Variants in SLCO2A1 observed in about 807,000 individuals in gnomAD.
The protein encoded by SLCO2A1 is matrin F/G 1.
SLCO2A1 carries 60 observed loss-of-function variants against 71.7 expected under a neutral mutation model. The observed-to-expected ratio is 0.84, with a 90% CI of 0.68 to 1.04. The LOEUF is 1.04. SLCO2A1 is among the 50% of genes least tolerant of loss of function. The pLI is 0.00. For synonymous variants in SLCO2A1, 308 were observed against 326.7 expected, an observed-to-expected ratio of 0.94 and a Z score of 0.62; for missense variants, 745 against 813.4, an observed-to-expected ratio of 0.92 and a Z score of 1.02.
chr3:133,944,724 T>A (rs1049458230), intron 10 of SLCO2A1, among the ~76,000 whole-genome samples: 1 of 152,232 alleles, frequency 6.6e-6, no homozygotes, highest in Admixed American at 6.5e-5. Context: ...ATGCCCTCGA[T>A]TTATCTGGGC....
At chr3:133,957,670 C>T (rs1365449289) in intron 3 of SLCO2A1, among the ~76,000 whole-genome samples, 2 of 152,168 alleles carry the variant, frequency 1.3e-5, no homozygotes, top group African/African-American at 4.8e-5. Flanking sequence ...CACCTACTTC[C>T]TCTCAGGAAA....
Position 133,940,216 on chromosome 3 carries a change from C to T in SLCO2A1, c.1626-1723G>A, listed in dbSNP as rs188549007. The stretch of plus-strand genomic sequence containing the variant: ...CGCCTGACCTCAGGTGGTCCACCCA[C>T]CTTGGCCTCCCAAAGTGCTGGGATT... On this transcript the variant is annotated intron_variant, in intron 11 of 13. Transcript: ENST00000310926. 5.9e-3 allele frequency among the ~76,000 whole-genome samples: 899 copies of T among 152,326 alleles called. 4 individuals are homozygous for T. The highest frequency in any genetic ancestry group is 0.01 in the Non-Finnish European group (684 of 68,024).
rs372456102 is a variant in SLCO2A1, at chr3:133,948,977, G to A, written c.862-6C>T. The A allele has an allele frequency of 5.9e-5, 95 of 1,613,052 alleles. No individual in the cohort carries two copies. In the African/African-American group the frequency reaches 1.3e-3, roughly 21 times the overall value. On this transcript the variant is annotated splice_region_variant and splice_polypyrimidine_tract_variant and intron_variant, in intron 6 of 13. Coordinates refer to ENST00000310926, the MANE Select transcript of SLCO2A1 (RefSeq NM_005630.3). ...TCTGCTGTGGCAGGAGCCCTCTGAA[G>A]GCAATAAAAGGGGTGAGTGTTCACG...
rs199810211 is a variant in SLCO2A1, at chr3:133,948,865, G to T, written c.940+28C>A. On this transcript the variant is annotated intron_variant, in intron 7 of 13. Coordinates refer to ENST00000310926, the MANE Select transcript of SLCO2A1 (RefSeq NM_005630.3). Reference sequence around the variant, plus strand: ...CTATCCCCTCCCCCGCACTGTGCCAGCCCACCCAGGGCTGTAGGGTCAGTT... The same window carrying T: ...CTATCCCCTCCCCCGCACTGTGCCATCCCACCCAGGGCTGTAGGGTCAGTT... 1.7e-5 allele frequency: 27 copies of T among 1,610,040 alleles called. No individual in the cohort carries two copies. The African/African-American group carries it at 1.9e-4, about 11-fold the overall frequency.
In SLCO2A1 at chr3:133,945,461, T is replaced by A. The variant is rs947101362; in HGVS notation, c.1296-201A>T. ...CACTGTTTAGTGGTCACGGCATCTC[T>A]CCATTTCTTCTGCCACTGGGAGCCC... On this transcript the variant is annotated intron_variant, in intron 9 of 13. Coordinates refer to ENST00000310926, the MANE Select transcript of SLCO2A1 (RefSeq NM_005630.3). Among the ~76,000 whole-genome samples, 20 of 152,158 alleles carry A rather than the reference T, an allele frequency of 1.3e-4. 1 individual carries two copies. The highest frequency in any genetic ancestry group is 3.9e-4 in the Admixed American group (6 of 15,282).
intron 1 of SLCO2A1, among the ~76,000 whole-genome samples, chr3:133,991,661 C>T (rs904362873): frequency 6.6e-6 from 1 of 152,222 alleles, no homozygotes; most frequent in Non-Finnish European, 1.5e-5. Context: ...ATTTCCATCA[C>T]AGCTTCCTTG....
chr3:133,936,010 C>T (rs528243556), intron 12 of SLCO2A1, 113 bp from the exon 13 acceptor site: 9 of 1,123,538 alleles, frequency 8.0e-6, no homozygotes, highest in South Asian at 5.9e-5. Flanking sequence ...ACGGCTCTGC[C>T]GTACCCATAG....
intron 12 of SLCO2A1, 74 bp from the exon 13 acceptor site, chr3:133,935,971 A>C: frequency 7.1e-7 from 1 of 1,415,006 alleles, no homozygotes; most frequent in African/African-American, 1.4e-5. Context: ...GTGGGAGCCA[A>C]GTCCCCGACA....
chr3:134,004,918 T>G (rs753633146), intron 1 of SLCO2A1, among the ~76,000 whole-genome samples: 15 of 152,364 alleles, frequency 9.8e-5, no homozygotes, highest in Non-Finnish European at 2.1e-4. Flanking sequence ...TGGTGATAAT[T>G]TGTTACAGCA....
At chr3:133,959,086 A>G (rs1052781955) in intron 3 of SLCO2A1, among the ~76,000 whole-genome samples, 2 of 152,242 alleles carry the variant, frequency 1.3e-5, no homozygotes, top group Non-Finnish European at 2.9e-5. Flanking sequence ...AGGTCTGAGC[A>G]GCTGCCCCTC....
rs1934397220 is a variant in SLCO2A1 at position 133,974,130 on chromosome 3, AC to A, written c.235-306del. Among the ~76,000 whole-genome samples the A allele has an allele frequency of 2.0e-5, 3 of 152,214 alleles. No individual in the cohort carries two copies. In the South Asian group the frequency reaches 6.2e-4, roughly 32 times the overall value. On this transcript the variant is annotated intron_variant, in intron 2 of 13. Coordinates refer to ENST00000310926, the MANE Select transcript of SLCO2A1 (RefSeq NM_005630.3). ...AAACCTAAACTTTAACCATCTTAGA[AC>A]CAAACCTTTTTGGGAAAAAGCCAAA...
intron 1 of SLCO2A1, among the ~76,000 whole-genome samples, chr3:134,022,923 T>C (rs561813361): frequency 9.8e-5 from 15 of 152,356 alleles, no homozygotes; most frequent in South Asian, 2.1e-4. Flanking sequence ...AAAAATTATA[T>C]ACTTGGTTTA....
chr3:133,951,919 C>A (rs1933755161), intron 5 of SLCO2A1, among the ~76,000 whole-genome samples: 1 of 152,236 alleles, frequency 6.6e-6, no homozygotes, highest in African/African-American at 2.4e-5. Flanking sequence ...GCCCCATAAT[C>A]CTTAGAAGCC....
At chr3:133,947,571 T>C in intron 8 of SLCO2A1, 126 bp from the exon 9 acceptor site, 1 of 784,010 alleles carries the variant, frequency 1.3e-6, no homozygotes, top group Non-Finnish European at 2.0e-6. Context: ...TATGTTAAAT[T>C]GTAATCGAAG....
At position 133,953,276 on chromosome 3, in the gene SLCO2A1, A is replaced by G. The variant is rs150234413; in HGVS notation, c.724+387T>C. ...GTGGTCTTGATCTCCTGACCTCGTGATCCACCCGCCTCAGCCTCCCAAAGT... is the reference window on the plus strand; with the variant it reads ...GTGGTCTTGATCTCCTGACCTCGTGGTCCACCCGCCTCAGCCTCCCAAAGT... On this transcript the variant is annotated intron_variant, in intron 5 of 13. Transcript: ENST00000310926. Among the ~76,000 whole-genome samples, 666 of 152,228 alleles carry G rather than the reference A, an allele frequency of 4.4e-3. 3 individuals carry two copies. The highest frequency in any genetic ancestry group is 0.01 in the Middle Eastern group (3 of 294).
chr3:133,980,946 G>A (rs993946414), intron 1 of SLCO2A1, among the ~76,000 whole-genome samples: 8 of 152,270 alleles, frequency 5.3e-5, no homozygotes, highest in African/African-American at 1.9e-4. Flanking sequence ...AAGCCTGCCT[G>A]TCTGGGGGCA....
chr3:133,970,162 C>T (rs927161878), intron 3 of SLCO2A1, among the ~76,000 whole-genome samples: 1 of 152,214 alleles, frequency 6.6e-6, no homozygotes, highest in Non-Finnish European at 1.5e-5. Flanking sequence ...ATTGTCCCTA[C>T]CACCGTGGGG....
intron 1 of SLCO2A1, among the ~76,000 whole-genome samples, chr3:133,994,367 G>A (rs547595656): frequency 1.5e-4 from 23 of 152,216 alleles, no homozygotes; most frequent in African/African-American, 2.4e-4. Context: ...TGGGGTGAGC[G>A]GGAATGTGCT....
At chr3:133,951,099 A>G (rs757720075) in intron 6 of SLCO2A1, 109 bp downstream of exon 6, 3 of 1,437,076 alleles carry the variant, frequency 2.1e-6, no homozygotes, top group African/African-American at 2.8e-5. Flanking sequence ...TTTAGATTTC[A>G]CCCTGAATTT....
Sources: gnomAD v4.1 joint callset for allele counts (sites outside exome capture counted in the v4.1 genomes callset) on GRCh38, gnomAD v4.1.1 for gene constraint, MANE v1.5 for transcripts, NCBI Gene and HGNC (gene_info 2026-07-23, HGNC 2026-07-21) for gene names.